The following COG6 variants were observed in gnomAD, a reference collection of about 807,000 sequenced individuals.
COG6 encodes the protein component of oligomeric golgi complex 6, also known as conserved oligomeric Golgi complex subunit 6.
A neutral mutation model predicts 88.8 loss-of-function variants in COG6; 74 were observed. The observed-to-expected ratio is 0.83, with a 90% CI of 0.69 to 1.01. The LOEUF is 1.01. Ranked by LOEUF, COG6 falls within the 50% of genes least tolerant of loss-of-function variation. The pLI, the probability that COG6 is intolerant of heterozygous loss-of-function variation, is 0.00. For missense variants in COG6, 800 were observed against 797.9 expected (o/e 1.00, Z -0.03); for synonymous variants, 286 against 278.7 (o/e 1.03, Z -0.26).
chr13:39,691,869 T>C (rs1270083038), intron 11 of COG6, among the ~76,000 whole-genome samples: 1 of 152,028 alleles, frequency 6.6e-6, no homozygotes, highest in African/African-American at 2.4e-5. Context: ...AACTAAACTT[T>C]TTCTAATGAC....
Position 39,687,617 on chromosome 13 carries a change from T to C in COG6, c.903T>C (p.Ser301=). 1 of 1,614,026 alleles carries C rather than the reference T, an allele frequency of 6.2e-7. No homozygotes were observed. The highest frequency in any genetic ancestry group is 8.5e-7 in the Non-Finnish European group (1 of 1,180,020). ...CACCTAGACCAATTGAAATGCATTC[T>C]CATGACCCTTTGAGGTATAGTAATC... is the stretch of plus-strand genomic sequence containing the variant. ...GGTPRPIEMH[S]HDPLRYVGDM... The change falls in exon 9 of 19, where the codon TCT becomes TCC. Residue 301 remains serine, a synonymous_variant. Transcript: ENST00000455146.
In COG6 at chr13:39,687,751, T is replaced by A; in HGVS notation, c.961T>A (p.Ser321Thr). The A allele has an allele frequency of 6.2e-7, 1 of 1,614,130 alleles. No individual in the cohort carries two copies. Among genetic ancestry groups the A allele is most frequent in the Non-Finnish European group, 8.5e-7 (1 of 1,180,012 alleles). ...MLAWLHQATA[S>T]EKEHLEALLK... is the part of the protein sequence containing the mutation. ...GGCTTGGCTCCATCAAGCTACTGCT[T>A]CTGAAAAGGAACACCTTGAAGCTCT... Residue 321 changes from serine (S) to threonine (T), a missense_variant, in exon 10 of 19, where the codon TCT becomes ACT. Transcript: ENST00000455146.
intron 8 of COG6, among the ~76,000 whole-genome samples, chr13:39,684,128 A>G (rs997936306): frequency 1.3e-5 from 2 of 152,022 alleles, no homozygotes; most frequent in Non-Finnish European, 1.5e-5. Context: ...TGAGGGCTAC[A>G]TGGCAATCTG....
exon 19 of COG6, chr13:39,789,220 A>G (rs1479130669): frequency 6.6e-6 from 1 of 152,230 alleles, no homozygotes; most frequent in African/African-American, 2.4e-5. Flanking sequence ...GTTTTGCATC[A>G]TATTTCACTG....
intron 11 of COG6, among the ~76,000 whole-genome samples, chr13:39,693,451 A>G (rs1182375836): frequency 6.6e-6 from 1 of 152,018 alleles, no homozygotes; most frequent in Non-Finnish European, 1.5e-5. Flanking sequence ...GTTTGCCTAC[A>G]ACTAACATTT....
chr13:39,724,525 G>A lies in COG6; in HGVS notation c.1710G>A (p.Met570Ile). 6.6e-7 allele frequency: 1 copy of A among 1,508,312 alleles called. No individual in the cohort carries two copies. Among genetic ancestry groups the A allele is most frequent in the Non-Finnish European group, 9.1e-7 (1 of 1,097,026 alleles). 93.4% of individuals were successfully genotyped at this position (1,508,312 alleles called of 1,614,324 possible). A position where few individuals can be genotyped will look rare whatever the true frequency, so the allele number is the denominator to read the frequency against. Reference sequence around the variant, plus strand: ...TTAAATAGGGCTCTTTAGCTAATATGCCCAACCTAGATTCTGTGACACTGA... The same window carrying A: ...TTAAATAGGGCTCTTTAGCTAATATACCCAACCTAGATTCTGTGACACTGA... ...HKPEQGSLAN[M>I]PNLDSVTLKA... Residue 570 changes from methionine to isoleucine, a missense_variant, in exon 17 of 19, where the codon ATG becomes ATA. Coordinates refer to ENST00000455146, the MANE Select transcript of COG6 (RefSeq NM_020751.3).
chr13:39,730,988 A>G (rs1879416715), intron 18 of COG6, among the ~76,000 whole-genome samples: 1 of 151,014 alleles, frequency 6.6e-6, no homozygotes, highest in East Asian at 2.0e-4. Context: ...CTCCTGGCTG[A>G]TTTTTGTATT....
At position 39,751,077 on chromosome 13, in the gene COG6, A is replaced by G. The variant is rs777882255; in HGVS notation, c.1958A>G (p.Gln653Arg). 1 of 1,613,696 alleles carries G rather than the reference A, an allele frequency of 6.2e-7. No individual in the cohort carries two copies. The highest frequency in any genetic ancestry group is 8.5e-7 in the Non-Finnish European group (1 of 1,179,760). The part of the protein sequence containing the change: ...NILHRSPQQV[Q>R]TLLS ...CTTCACCGATCGCCGCAGCAAGTGC[A>G]GACGCTTCTTTCCTGATTATCTTAT... The change falls in exon 19 of 19, where the codon CAG becomes CGG. Residue 653 changes from glutamine to arginine, a missense_variant. Gln to Arg is a conservative substitution (Grantham distance 43, BLOSUM62 1). Transcript: ENST00000455146.
chr13:39,689,506 T>C (rs943398533), intron 10 of COG6, among the ~76,000 whole-genome samples: 1 of 152,090 alleles, frequency 6.6e-6, no homozygotes, highest in Non-Finnish European at 1.5e-5. Context: ...AAAGAAATAT[T>C]TATTTTATTA....
chr13:39,725,693 T>C (rs1879096751), intron 17 of COG6, among the ~76,000 whole-genome samples: 2 of 134,918 alleles, frequency 1.5e-5, no homozygotes, highest in South Asian at 4.9e-4. Flanking sequence ...CTTCTATATA[T>C]GAAACAAAAA....
intron 18 of COG6, among the ~76,000 whole-genome samples, chr13:39,781,057 C>A (rs937420764): frequency 6.6e-6 from 1 of 152,174 alleles, no homozygotes; most frequent in Non-Finnish European, 1.5e-5. Flanking sequence ...CCAAGAGCCC[C>A]ATTTGGCCTC....
chr13:39,668,976 A>G (rs1875453279), intron 4 of COG6, among the ~76,000 whole-genome samples: 1 of 152,050 alleles, frequency 6.6e-6, no homozygotes, highest in Non-Finnish European at 1.5e-5. Context: ...ATTTTTATAC[A>G]TTTTATCATT....
chr13:39,656,228 A>C (rs148177150), intron 1 of COG6: 6,521 of 498,260 alleles, frequency 0.013, 66 homozygotes, highest in Non-Finnish European at 0.017. Flanking sequence ...GGAGGAGAGC[A>C]CAAGACTGGA....
intron 13 of COG6, among the ~76,000 whole-genome samples, chr13:39,714,938 G>A (rs1301398646): frequency 6.6e-6 from 1 of 152,064 alleles, no homozygotes; most frequent in Non-Finnish European, 1.5e-5. Flanking sequence ...ATTATTCTAA[G>A]TGAAGCAACT....
At chr13:39,678,436 T>C (rs1234104701) in intron 5 of COG6, among the ~76,000 whole-genome samples, 2 of 152,204 alleles carry the variant, frequency 1.3e-5, no homozygotes, top group African/African-American at 4.8e-5. Flanking sequence ...TTTTATAACT[T>C]TGTGTCTTTC....
intron 8 of COG6, 151 bp downstream of exon 8, chr13:39,682,415 T>A: frequency 1.6e-6 from 1 of 610,420 alleles, no homozygotes; most frequent in South Asian, 2.0e-5. Flanking sequence ...TGAATTTGTT[T>A]CATGGGGTAT....
At position 39,662,379 on chromosome 13, in the gene COG6, G is replaced by A. The variant is rs369253752; in HGVS notation, c.369+1498G>A. Among the ~76,000 whole-genome samples the A allele has an allele frequency of 2.6e-5, 4 of 151,862 alleles. 1 individual carries two copies. The highest frequency in any genetic ancestry group is 4.8e-5 in the African/African-American group (2 of 41,352). ...TGACCTCAAGTGATTCACCTACCTC[G>A]GCCTTCCAAAGTGCTGGGATTACAG... On this transcript the variant is annotated intron_variant, in intron 3 of 18. Coordinates refer to ENST00000455146, the MANE Select transcript of COG6 (RefSeq NM_020751.3).
intron 7 of COG6, 64 bp downstream of exon 7, chr13:39,680,109 C>T: frequency 2.1e-6 from 2 of 939,440 alleles, no homozygotes; most frequent in South Asian, 2.9e-5. Context: ...TAAAATTTTA[C>T]TTGGTCTTTA....
downstream of COG6, among the ~76,000 whole-genome samples, chr13:39,754,033 C>T (rs987866646): frequency 1.3e-5 from 2 of 152,134 alleles, no homozygotes; most frequent in Non-Finnish European, 2.9e-5. Context: ...TTGTTGAACT[C>T]TCAGTGTCAT....
Sources: gnomAD v4.1 joint callset for allele counts (sites outside exome capture counted in the v4.1 genomes callset) on GRCh38, gnomAD v4.1.1 for gene constraint, MANE v1.5 for transcripts, NCBI Gene and HGNC (gene_info 2026-07-23, HGNC 2026-07-21) for gene names.